CSMD1: variants seen among roughly 807,000 people sequenced by gnomAD.
CSMD1 encodes CUB and Sushi multiple domains 1.
CSMD1 carries 213 observed loss-of-function variants against 417.5 expected under a neutral mutation model. That is an observed-to-expected ratio of 0.51 (90% CI 0.46 to 0.57). The LOEUF is 0.57. Ranked by LOEUF, CSMD1 falls within the 20% of genes least tolerant of loss-of-function variation. The pLI, the probability that CSMD1 is intolerant of heterozygous loss-of-function variation, is 0.00. For synonymous variants in CSMD1, 2,862 were observed against 1,736.8 expected (o/e 1.65, Z -16.11); for missense variants, 6,923 against 4,529.7 (o/e 1.53, Z -15.17).
chr8:3,592,702 G>GTA (rs1005059947), intron 8 of CSMD1, among the ~76,000 whole-genome samples: 2 of 150,200 alleles, frequency 1.3e-5, no homozygotes, highest in African/African-American at 5.0e-5. Context: ...CCGTGTGTGT[G>GTA]TGTGTGTGAG....
At chr8:3,071,928 G>A (rs1163631957) in intron 49 of CSMD1, among the ~76,000 whole-genome samples, 4 of 152,176 alleles carry the variant, frequency 2.6e-5, no homozygotes, top group Non-Finnish European at 5.9e-5. Flanking sequence ...GATCTCTACT[G>A]TTTTACTCCT....
intron 3 of CSMD1, among the ~76,000 whole-genome samples, chr8:4,046,416 C>T (rs1394664083): frequency 6.6e-6 from 1 of 152,124 alleles, no homozygotes; most frequent in Non-Finnish European, 1.5e-5. Context: ...CATATTCATT[C>T]AAACCTAAAT....
chr8:4,707,087 G>T (rs933878788), intron 1 of CSMD1, among the ~76,000 whole-genome samples: 1 of 152,192 alleles, frequency 6.6e-6, no homozygotes, highest in Non-Finnish European at 1.5e-5. Flanking sequence ...CACCCTGGCA[G>T]CTGTGTGGAA....
intron 3 of CSMD1, among the ~76,000 whole-genome samples, chr8:4,225,722 C>G (rs1414454540): frequency 6.6e-6 from 1 of 152,056 alleles, no homozygotes; most frequent in South Asian, 2.1e-4. Flanking sequence ...GACAAATTGC[C>G]ACAACATGGC....
intron 3 of CSMD1, among the ~76,000 whole-genome samples, chr8:4,162,138 C>A (rs1032137426): frequency 6.6e-6 from 1 of 152,176 alleles, no homozygotes; most frequent in Non-Finnish European, 1.5e-5. Flanking sequence ...ATAAACTAAA[C>A]CAGTGCGACA....
chr8:4,856,080 G>A (rs1223284958), intron 1 of CSMD1, among the ~76,000 whole-genome samples: 5 of 152,270 alleles, frequency 3.3e-5, no homozygotes, highest in African/African-American at 9.6e-5. Context: ...CAGAAACCCT[G>A]CAAGCCAGAA....
chr8:4,830,704 A>T (rs192069576), intron 1 of CSMD1, among the ~76,000 whole-genome samples: 41 of 152,346 alleles, frequency 2.7e-4, no homozygotes, highest in African/African-American at 9.1e-4. Flanking sequence ...GCAACACTGT[A>T]TTGCAACCCT....
At chr8:3,529,056 C>G (rs1038815393) in intron 10 of CSMD1, among the ~76,000 whole-genome samples, 2 of 152,154 alleles carry the variant, frequency 1.3e-5, no homozygotes, top group Non-Finnish European at 2.9e-5. Context: ...CACTTTAGTA[C>G]AAGCTGTAAC....
intron 7 of CSMD1, among the ~76,000 whole-genome samples, chr8:3,641,660 C>G (rs1416755089): frequency 2.0e-5 from 3 of 152,154 alleles, no homozygotes; most frequent in Non-Finnish European, 4.4e-5. Flanking sequence ...GTAGGAATTT[C>G]AAATACAGCT....
At position 4,521,976 on chromosome 8, in the gene CSMD1, T is replaced by C. The variant is rs143993385; in HGVS notation, c.303-101911A>G. ...TTCCCAGATAGCCTGCCTTTTTGTA[T>C]CCTAGTTTTTATTAAATTTTGAAAA... On this transcript the variant is annotated intron_variant, in intron 2 of 69. Transcript: ENST00000635120. 3.3e-5 allele frequency among the ~76,000 whole-genome samples: 5 copies of C among 152,310 alleles called. No individual in the cohort carries two copies. In the East Asian group the frequency reaches 9.7e-4, roughly 29 times the overall value.
intron 3 of CSMD1, among the ~76,000 whole-genome samples, chr8:4,037,457 G>T (rs920252609): frequency 2.6e-5 from 4 of 152,078 alleles, no homozygotes; most frequent in African/African-American, 9.7e-5. Context: ...CCATTTCAAT[G>T]GTTTGCTTTT....
At chr8:4,987,816 C>G (rs970119207) in intron 1 of CSMD1, among the ~76,000 whole-genome samples, 11 of 152,178 alleles carry the variant, frequency 7.2e-5, no homozygotes, top group African/African-American at 2.7e-4. Context: ...GTCTTCAGGT[C>G]TTCATCTTTC....
chr8:3,847,913 A>C (rs1232747805), intron 5 of CSMD1, among the ~76,000 whole-genome samples: 1 of 152,140 alleles, frequency 6.6e-6, no homozygotes, highest in Non-Finnish European at 1.5e-5. Flanking sequence ...TCTCCTTATA[A>C]ATAAAGGTAA....
In CSMD1 at chr8:3,824,191, C is replaced by G. The variant is rs560919554; in HGVS notation, c.819-70149G>C. Among the ~76,000 whole-genome samples, 19 of 151,598 alleles carry G rather than the reference C, an allele frequency of 1.3e-4. No homozygotes were observed. In the South Asian group the frequency reaches 2.1e-3, roughly 17 times the overall value. On this transcript the variant is annotated intron_variant, in intron 5 of 69. Coordinates refer to ENST00000635120, the MANE Select transcript of CSMD1 (RefSeq NM_033225.6). ...ATATCTATAGCTTTGGAGATGATGA[C>G]TAATTTATCCTGACAGAGTTGTTGA...
At chr8:3,712,556 C>T (rs933042158) in intron 6 of CSMD1, among the ~76,000 whole-genome samples, 6 of 152,192 alleles carry the variant, frequency 3.9e-5, no homozygotes, top group African/African-American at 1.4e-4. Flanking sequence ...GTCATTCATT[C>T]TCAGATCTTC....
intron 26 of CSMD1, among the ~76,000 whole-genome samples, chr8:3,250,832 C>T (rs1043222741): frequency 2.0e-5 from 3 of 152,154 alleles, no homozygotes; most frequent in African/African-American, 4.8e-5. Context: ...AGCATTTTTT[C>T]ATGTGTCTGT....
chr8:4,977,845 T>C (rs935019975), intron 1 of CSMD1, among the ~76,000 whole-genome samples: 4 of 152,222 alleles, frequency 2.6e-5, no homozygotes, highest in African/African-American at 9.6e-5. Flanking sequence ...CTGATAGGAA[T>C]TGACTAAGCA....
rs555264157 is a variant in CSMD1, at chr8:4,567,671, C to T, written c.302+69671G>A. Among the ~76,000 whole-genome samples the T allele has an allele frequency of 1.7e-3, 254 of 152,254 alleles. 1 individual carries two copies. The highest frequency in any genetic ancestry group is 5.9e-3 in the African/African-American group (245 of 41,550). ...CCAATAAAGGACGAAGGTTCTTCTG[C>T]CCAGATGCTGATTTTCACAATACAT... On this transcript the variant is annotated intron_variant, in intron 2 of 69. Transcript: ENST00000635120.
intron 64 of CSMD1, among the ~76,000 whole-genome samples, chr8:2,954,877 G>C (rs909106832): frequency 6.6e-6 from 1 of 152,116 alleles, no homozygotes; most frequent in African/African-American, 2.4e-5. Flanking sequence ...CCTAATATGA[G>C]AACTATAAAT....
Sources: gnomAD v4.1 joint callset for allele counts (sites outside exome capture counted in the v4.1 genomes callset) on GRCh38, gnomAD v4.1.1 for gene constraint, MANE v1.5 for transcripts, NCBI Gene and HGNC (gene_info 2026-07-23, HGNC 2026-07-21) for gene names.